TUBA1C: variants seen among roughly 807,000 people sequenced by gnomAD.
TUBA1C encodes the protein tubulin alpha 1c.
TUBA1C carries 16 observed loss-of-function variants against 34.9 expected under a neutral mutation model. The ratio of observed to expected loss-of-function variants is 0.46; its 90% CI spans 0.31 to 0.70. The LOEUF (loss-of-function observed/expected upper bound fraction) is 0.70, where lower values mean the gene tolerates loss of function less well. Among genes scored for constraint, TUBA1C ranks in the 30% least tolerant of loss-of-function variants. The pLI, the probability that TUBA1C is intolerant of heterozygous loss-of-function variation, is 0.05. For missense variants in TUBA1C, 329 were observed against 587.3 expected, an observed-to-expected ratio of 0.56 and a Z score of 4.55; for synonymous variants, 177 against 215.9, an observed-to-expected ratio of 0.82 and a Z score of 1.58.
intron 1 of TUBA1C, among the ~76,000 whole-genome samples, chr12:49,245,418 T>C (rs1435559891): frequency 6.6e-6 from 1 of 152,018 alleles, no homozygotes; most frequent in African/African-American, 2.4e-5. Flanking sequence ...CTGGGCAACA[T>C]AGTGAGACTC....
chr12:49,269,354 C>A lies in TUBA1C; in HGVS notation c.4-111C>A, dbSNP rs569402029. ...CTGGGATTACAGGTGTGAGTCACTG[C>A]GCCCAGCCAGTTATCTGTCTTGAAG... On this transcript the variant is annotated intron_variant, in intron 1 of 3. Coordinates refer to ENST00000301072, the MANE Select transcript of TUBA1C (RefSeq NM_032704.5). 2.3e-4 allele frequency: 354 copies of A among 1,519,598 alleles called. 1 individual carries two copies. The highest frequency in any genetic ancestry group is 3.0e-4 in the Non-Finnish European group (340 of 1,128,476). 94.1% of individuals were successfully genotyped at this position (1,519,598 alleles called of 1,614,324 possible). A position where few individuals can be genotyped will look rare whatever the true frequency, so the allele number is the denominator to read the frequency against.
At chr12:49,240,099 A>AT (rs1942598342) in intron 1 of TUBA1C, among the ~76,000 whole-genome samples, 1 of 151,036 alleles carries the variant, frequency 6.6e-6, no homozygotes, top group Non-Finnish European at 1.5e-5. Context: ...CCTCACAGAC[A>AT]TCCCAAGAGC....
intron 1 of TUBA1C, among the ~76,000 whole-genome samples, chr12:49,251,912 C>T (rs140212632): frequency 4.7e-4 from 71 of 152,074 alleles, no homozygotes; most frequent in African/African-American, 1.4e-3. Context: ...TCATCTCAAT[C>T]GATGCAGAAA....
chr12:49,237,375 G>A (rs1385288502), intron 1 of TUBA1C, among the ~76,000 whole-genome samples: 4 of 151,748 alleles, frequency 2.6e-5, no homozygotes, highest in Non-Finnish European at 5.9e-5. Flanking sequence ...CCGAGATCGT[G>A]CCATTGCCCT....
rs1219106949 is a variant in TUBA1C at position 49,272,422 on chromosome 12, T to C, written c.545T>C (p.Val182Ala). The C allele has an allele frequency of 6.2e-7, 1 of 1,613,634 alleles. No homozygotes were observed. The highest frequency in any genetic ancestry group is 1.3e-5 in the African/African-American group (1 of 74,832). Residue 182 changes from valine (V) to alanine (A), a missense_variant, in exon 4 of 4, where the codon GTT (valine) becomes GCT (alanine). Val to Ala is a moderately conservative substitution (Grantham distance 64, BLOSUM62 0). This residue lies in a region of TUBA1C where 152 missense variants were observed against 240.3 expected (regional missense o/e 0.63). Transcript: ENST00000301072. ...GCGCCCCAGGTTTCCACAGCTGTAGTTGAGCCCTACAACTCCATCCTCACC... is the reference window on the plus strand; with the variant it reads ...GCGCCCCAGGTTTCCACAGCTGTAGCTGAGCCCTACAACTCCATCCTCACC... ...YPAPQVSTAV[V>A]EPYNSILTTH...
chr12:49,259,828 T>C (rs2137010271), intron 1 of TUBA1C, among the ~76,000 whole-genome samples: 1 of 152,294 alleles, frequency 6.6e-6, no homozygotes, highest in Non-Finnish European at 1.5e-5. Context: ...CATTACTTAG[T>C]GTACTTGATA....
At chr12:49,264,351 T>C (rs527508688), upstream of TUBA1C, among the ~76,000 whole-genome samples, 1 of 152,324 alleles carries the variant, frequency 6.6e-6, no homozygotes, top group African/African-American at 2.4e-5. Flanking sequence ...AAAGGCTCAT[T>C]TAAAGAGGAC....
chr12:49,270,862 C>A (rs533041425), intron 3 of TUBA1C, among the ~76,000 whole-genome samples: 79 of 152,178 alleles, frequency 5.2e-4, no homozygotes, highest in African/African-American at 1.7e-3. Context: ...GCCTGTAGTC[C>A]TAGCTACTAG....
intron 1 of TUBA1C, among the ~76,000 whole-genome samples, chr12:49,232,078 C>G (rs1352483307): frequency 1.3e-5 from 2 of 152,138 alleles, no homozygotes; most frequent in Non-Finnish European, 2.9e-5. Context: ...GAGGAGCTGC[C>G]CTCAGGGCCA....
chr12:49,272,294 C>T lies in TUBA1C; in HGVS notation c.417C>T (p.His139=). ...CTGLQGFLVF[H]SFGGGTGSGF... is the part of the protein sequence containing the mutation. ...GTCTTCAGGGCTTCTTGGTTTTCCA[C>T]AGCTTTGGTGGGGGAACTGGTTCTG... is the stretch of plus-strand genomic sequence containing the variant. Residue 139 remains histidine (H), a synonymous_variant, in exon 4 of 4, where the codon CAC becomes CAT. Coordinates refer to ENST00000301072, the MANE Select transcript of TUBA1C (RefSeq NM_032704.5). 2 of 1,613,594 alleles carry T rather than the reference C, an allele frequency of 1.2e-6. No homozygotes were observed. The highest frequency in any genetic ancestry group is 1.7e-6 in the Non-Finnish European group (2 of 1,179,736).
chr12:49,249,583 G>C (rs1038307470), intron 1 of TUBA1C, among the ~76,000 whole-genome samples: 1 of 152,122 alleles, frequency 6.6e-6, no homozygotes, highest in Non-Finnish European at 1.5e-5. Context: ...ACAATGACTG[G>C]TCGTGGTGGC....
intron 1 of TUBA1C, chr12:49,232,915 C>A (rs1801812342): frequency 6.6e-6 from 1 of 152,126 alleles, no homozygotes; most frequent in South Asian, 2.1e-4. Context: ...AATAGTTTGA[C>A]CCTGCATTTC....
At chr12:49,248,660 G>C (rs1942700153) in intron 1 of TUBA1C, among the ~76,000 whole-genome samples, 1 of 151,042 alleles carries the variant, frequency 6.6e-6, no homozygotes, top group African/African-American at 2.4e-5. Flanking sequence ...TCAGGAGATC[G>C]AGACCATCCT....
In TUBA1C at chr12:49,272,813, C is replaced by T. The variant is rs761029633; in HGVS notation, c.936C>T (p.Tyr312=). 18 of 1,614,118 alleles carry T rather than the reference C, an allele frequency of 1.1e-5. No homozygotes were observed. The South Asian group carries it at 2.0e-4, about 18-fold the overall frequency. ...AATGTGACCCTCGCCATGGTAAATA[C>T]ATGGCTTGCTGCCTGTTATACCGTG... ...MVKCDPRHGK[Y]MACCLLYRGD... Residue 312 remains tyrosine, a synonymous_variant, in exon 4 of 4, where the codon TAC becomes TAT. Transcript: ENST00000301072.
chr12:49,239,154 C>T (rs1050161442), intron 1 of TUBA1C, among the ~76,000 whole-genome samples: 3 of 152,184 alleles, frequency 2.0e-5, no homozygotes, highest in Middle Eastern at 6.8e-3. Context: ...GTAAAAATAA[C>T]AAAAGATTGT....
intron 1 of TUBA1C, among the ~76,000 whole-genome samples, chr12:49,234,838 A>G (rs1409536196): frequency 1.3e-5 from 2 of 152,200 alleles, no homozygotes; most frequent in Non-Finnish European, 2.9e-5. Flanking sequence ...CTTTTTGGAG[A>G]CGGAGTATTG....
intron 1 of TUBA1C, 55 bp downstream of exon 1, chr12:49,265,239 G>A: frequency 2.0e-6 from 3 of 1,506,818 alleles, no homozygotes; most frequent in Non-Finnish European, 2.7e-6. Context: ...GGGACGGCGG[G>A]CCCGGAAACT....
At chr12:49,259,550 C>T (rs377444358) in intron 1 of TUBA1C, among the ~76,000 whole-genome samples, 5 of 152,288 alleles carry the variant, frequency 3.3e-5, no homozygotes, top group Admixed American at 1.3e-4. Flanking sequence ...TAGTTACAAT[C>T]GCCTAAGTAT....
rs1341909325 is a variant in TUBA1C at position 49,265,967 on chromosome 12, A to AC, written c.3+783_3+784insC. ...ACCCCGTCTCTACTTTAAAAAAAAA[A>AC]AAAAACAAAAAAAAACGCTGGGCGT... On this transcript the variant is annotated intron_variant, in intron 1 of 3. Transcript: ENST00000301072. Among the ~76,000 whole-genome samples, 9 of 142,356 alleles carry AC rather than the reference A, an allele frequency of 6.3e-5. 1 individual carries two copies. In the East Asian group the frequency reaches 1.6e-3, roughly 25 times the overall value. 93.4% of individuals were successfully genotyped at this position (142,356 alleles called of 152,430 possible). A position where few individuals can be genotyped will look rare whatever the true frequency, so the allele number is the denominator to read the frequency against.
Sources: allele counts gnomAD v4.1 joint callset (sites outside exome capture counted in the v4.1 genomes callset), GRCh38; gene constraint gnomAD v4.1.1; regional missense constraint gnomAD v4.1.1; transcripts MANE v1.5; gene names NCBI Gene and HGNC (gene_info 2026-07-23, HGNC 2026-07-21).